The following USP51 variants were observed in gnomAD, a reference collection of about 807,000 sequenced individuals.
USP51 encodes the protein ubiquitin carboxyl-terminal hydrolase 51.
USP51 carries 5 observed loss-of-function variants against 17.6 expected under a neutral mutation model. That is an observed-to-expected ratio of 0.28 (90% confidence interval 0.15 to 0.60). The LOEUF is 0.60. Among genes scored for constraint, USP51 ranks in the 20% least tolerant of loss-of-function variants. The pLI is 0.88. For missense variants in USP51, 459 were observed against 559.5 expected (o/e 0.82, Z 1.81); for synonymous variants, 248 against 216.1 (o/e 1.15, Z -1.29).
At position 55,486,723 on chromosome X, in the gene USP51, T is replaced by C. The variant is rs2031323282; in HGVS notation, c.*81A>G. 3.6e-6 allele frequency: 4 copies of C among 1,120,390 alleles called. No individual in the cohort carries two copies. Among genetic ancestry groups the C allele is most frequent in the African/African-American group, 3.7e-5 (2 of 54,404 alleles). The allele number at this position is 1,120,390 out of a possible 1,213,427, so 92.3% of individuals were successfully genotyped here. ...TGTCACATAGGTGTTACTGTCATTG[T>C]CCATTCCAAGTAGGTCTGTGTGTCA... is the stretch of plus-strand genomic sequence containing the variant. On this transcript the variant is annotated 3_prime_UTR_variant, in exon 3 of 3. Transcript: ENST00000500968.
chrX:55,488,789 G>A lies in USP51; in HGVS notation c.151C>T (p.Arg51Cys). Residue 51 changes from arginine (R) to cysteine (C), a missense_variant, in exon 3 of 3, where the codon CGT (arginine) becomes TGT (cysteine). Physicochemically the swap from Arg to Cys is radical, Grantham distance 180. Transcript: ENST00000500968. ...TCCAGCTTCATCTCCTCGGCTTCAC[G>A]TCTCGAAGACGCCTTCGTAGCCCCC... ...AAGATKASSR[R>C]EAEEMKLEPL... 8.3e-7 allele frequency: 1 copy of A among 1,210,534 alleles called. No individual in the cohort carries two copies. Among genetic ancestry groups the A allele is most frequent in the South Asian group, 1.8e-5 (1 of 56,982 alleles).
rs1379009009 is a variant in USP51, at chrX:55,486,657, T to C, written c.*147A>G. ...TCATTTTTTTCTTCCGACAGACCCA[T>C]GGGCCATGCTAAAATAGGTTCTTTA... On this transcript the variant is annotated 3_prime_UTR_variant, in exon 3 of 3. Coordinates refer to ENST00000500968, the MANE Select transcript of USP51 (RefSeq NM_201286.4). 1 of 787,942 alleles carries C rather than the reference T, an allele frequency of 1.3e-6. No individual in the cohort carries two copies. The highest frequency in any genetic ancestry group is 1.8e-6 in the Non-Finnish European group (1 of 570,427). 64.9% of individuals were successfully genotyped at this position (787,942 alleles called of 1,213,427 possible).
In USP51 at chrX:55,488,704, C is replaced by T. The variant is rs2031370750; in HGVS notation, c.236G>A (p.Gly79Asp). The T allele has an allele frequency of 8.3e-7, 1 of 1,200,346 alleles. No individual in the cohort carries two copies. The highest frequency in any genetic ancestry group is 1.1e-6 in the Non-Finnish European group (1 of 894,899). ...GATTGAAGGGAGCACCTTCTCGTCGCCGCCGCTGCTGCTCCACGTCAAGTT... is the reference window on the plus strand; with the variant it reads ...GATTGAAGGGAGCACCTTCTCGTCGTCGCCGCTGCTGCTCCACGTCAAGTT... The part of the protein sequence containing the change: ...EENLTWSSSG[G>D]DEKVLPSIPL... Residue 79 changes from glycine to aspartate, a missense_variant, in exon 3 of 3, where the codon GGC (glycine) becomes GAC (aspartate). By Grantham distance (94) the Gly-to-Asp change is moderately conservative. Around this residue, in one of 2 missense-constraint regions of USP51, gnomAD observed 232 missense variants for 194.0 expected, o/e 1.20. Coordinates refer to ENST00000500968, the MANE Select transcript of USP51 (RefSeq NM_201286.4).
rs750947780 is a variant in USP51, at chrX:55,487,784, G to A, written c.1156C>T (p.Leu386=). The A allele has an allele frequency of 7.4e-6, 9 of 1,211,849 alleles. No individual in the cohort carries two copies. The highest frequency in any genetic ancestry group is 4.6e-4 in the Middle Eastern group (2 of 4,355). ...TCAGAGAGGAAGAAATCTTTCAGTA[G>A]AGGAATATGGGTAAGTGCCTGGACA... ...CIVQALTHIP[L]LKDFFLSDKH... Residue 386 remains leucine, a synonymous_variant, in exon 3 of 3, where the codon CTA becomes TTA. Transcript: ENST00000500968.
rs754958310 is a variant in USP51 at position 55,488,822 on chromosome X, C to A, written c.118G>T (p.Ala40Ser). ...GACGCCTTCGTAGCCCCCGCCGCCG[C>A]CTCCTCCATTTTCCCCGCCTTCTCA... ...AVEKAGKMEE[A>S]AAGATKASSR... The change falls in exon 3 of 3, where the codon GCG becomes TCG. Residue 40 changes from alanine (A) to serine (S), a missense_variant. This residue lies in a region of USP51 where 232 missense variants were observed against 194.0 expected (regional missense o/e 1.20). Coordinates refer to ENST00000500968, the MANE Select transcript of USP51 (RefSeq NM_201286.4). 13 of 1,209,866 alleles carry A rather than the reference C, an allele frequency of 1.1e-5. No homozygotes were observed. The highest frequency in any genetic ancestry group is 1.5e-5 in the Non-Finnish European group (13 of 895,199).
In USP51 at chrX:55,487,234, T is replaced by C. The variant is rs771343783; in HGVS notation, c.1706A>G (p.Lys569Arg). ...CTGGTAGCTTTGGCAACTATTGCAT[T>C]TGATTTTGGCACTGCTTCCTAGGTG... is the stretch of plus-strand genomic sequence containing the variant. Reference protein sequence around the residue: ...PEHLGSSAKIKCNSCQSYQES... With the variant: ...PEHLGSSAKIRCNSCQSYQES... The change falls in exon 3 of 3, where the codon AAA becomes AGA. Residue 569 changes from lysine to arginine, a missense_variant. Lys to Arg is a conservative substitution (Grantham distance 26). Around this residue, in one of 2 missense-constraint regions of USP51, gnomAD observed 227 missense variants for 365.5 expected, o/e 0.62. Transcript: ENST00000500968. 1 of 1,211,918 alleles carries C rather than the reference T, an allele frequency of 8.3e-7. No individual in the cohort carries two copies. Among genetic ancestry groups the C allele is most frequent in the East Asian group, 3.0e-5 (1 of 33,842 alleles).
intron 2 of USP51, 35 bp from the exon 3 acceptor site, chrX:55,489,023 G>A: frequency 1.8e-6 from 2 of 1,118,047 alleles, no homozygotes. Flanking sequence ...TTCTGTGAAT[G>A]ATCTGCCCAG....
At position 55,487,847 on chromosome X, in the gene USP51, G is replaced by A; in HGVS notation, c.1093C>T (p.Leu365=). 14 of 1,202,708 alleles carry A rather than the reference G, an allele frequency of 1.2e-5. No individual in the cohort carries two copies. The highest frequency in any genetic ancestry group is 1.6e-5 in the Non-Finnish European group (14 of 891,738). The change falls in exon 3 of 3, where the codon CTA becomes TTA. Residue 365 remains leucine (L), a synonymous_variant. Transcript: ENST00000500968. ...KSVYTVGLRG[L]INLGNTCFMN... ...AAACAAGTGTTCCCAAGATTGATTA[G>A]CCCTCTCAGGCCTACAGTATAGACT...
In USP51 at chrX:55,486,101, C is replaced by CT. The variant is rs1223273670; in HGVS notation, c.*702dup. On this transcript the variant is annotated 3_prime_UTR_variant, in exon 3 of 3. Transcript: ENST00000500968. ...TTTAATTTTTAACAGTATTTTCTTCCTTTTTTTGGTAAACTTTCATTTTTA... is the reference window on the plus strand; with the variant it reads ...TTTAATTTTTAACAGTATTTTCTTCCTTTTTTTTGGTAAACTTTCATTTTTA... 1 of 110,224 alleles carries CT rather than the reference C, an allele frequency of 9.1e-6. No homozygotes were observed. Among genetic ancestry groups the CT allele is most frequent in the Non-Finnish European group, 1.9e-5 (1 of 52,586 alleles). The allele number at this position is 110,224 out of a possible 1,213,427, so 9.1% of individuals were successfully genotyped here. A position where few individuals can be genotyped will look rare whatever the true frequency, so the allele number is the denominator to read the frequency against.
rs774430169 is a variant in USP51 at position 55,488,208 on chromosome X, G to T, written c.732C>A (p.Asn244Lys). The change falls in exon 3 of 3, where the codon AAC (asparagine) becomes AAA (lysine). Residue 244 changes from asparagine (N) to lysine (K), a missense_variant. Around this residue, in one of 2 missense-constraint regions of USP51, gnomAD observed 227 missense variants for 365.5 expected, o/e 0.62. Coordinates refer to ENST00000500968, the MANE Select transcript of USP51 (RefSeq NM_201286.4). ...CACAGGAGAGACAAGAGTGGAGTCT[G>T]TTCATATGGGTACTACATACGTGAC... The part of the protein sequence containing the change: ...CICHVCSTHM[N>K]RLHSCLSCVF... 1.7e-6 allele frequency: 2 copies of T among 1,210,131 alleles called. No individual in the cohort carries two copies. Among genetic ancestry groups the T allele is most frequent in the African/African-American group, 3.5e-5 (2 of 57,150 alleles).
Position 55,487,007 on chromosome X carries a change from T to C in USP51, c.1933A>G (p.Asn645Asp). The change falls in exon 3 of 3, where the codon AAT becomes GAT. Residue 645 changes from asparagine (N) to aspartate (D), a missense_variant. Asn to Asp is a conservative substitution (Grantham distance 23). Coordinates refer to ENST00000500968, the MANE Select transcript of USP51 (RefSeq NM_201286.4). ...GCAAACAAGGAATACTTATTCTCAT[T>C]GGGCACACAATCTGTTGGTGGCTGG... ...EGQPPTDCVP[N>D]ENKYSLFAVI... 8.3e-7 allele frequency: 1 copy of C among 1,212,029 alleles called. No homozygotes were observed. The highest frequency in any genetic ancestry group is 1.1e-6 in the Non-Finnish European group (1 of 895,594).
At position 55,487,845 on chromosome X, in the gene USP51, T is replaced by A. The variant is rs758859206; in HGVS notation, c.1095A>T (p.Leu365=). The A allele has an allele frequency of 4.2e-6, 5 of 1,203,542 alleles. No individual in the cohort carries two copies. The highest frequency in any genetic ancestry group is 5.6e-6 in the Non-Finnish European group (5 of 892,390). Residue 365 remains leucine, a synonymous_variant, in exon 3 of 3, where the codon CTA becomes CTT. Coordinates refer to ENST00000500968, the MANE Select transcript of USP51 (RefSeq NM_201286.4). ...TAAAACAAGTGTTCCCAAGATTGATTAGCCCTCTCAGGCCTACAGTATAGA... is the reference window on the plus strand; with the variant it reads ...TAAAACAAGTGTTCCCAAGATTGATAAGCCCTCTCAGGCCTACAGTATAGA... The part of the protein sequence containing the change: ...KSVYTVGLRG[L]INLGNTCFMN...
At position 55,486,647 on chromosome X, in the gene USP51, G is replaced by T; in HGVS notation, c.*157C>A. On this transcript the variant is annotated 3_prime_UTR_variant, in exon 3 of 3. Transcript: ENST00000500968. ...TGGTTAGTATTCATTTTTTTCTTCC[G>T]ACAGACCCATGGGCCATGCTAAAAT... 1 of 708,321 alleles carries T rather than the reference G, an allele frequency of 1.4e-6. No individual in the cohort carries two copies. The highest frequency in any genetic ancestry group is 2.0e-6 in the Non-Finnish European group (1 of 508,954). The allele number at this position is 708,321 out of a possible 1,213,427, so 58.4% of individuals were successfully genotyped here.
rs1229894133 is a variant in USP51 at position 55,488,603 on chromosome X, G to C, written c.337C>G (p.Arg113Gly). ...GAGAGCCCAGGCTGGCTGCGGGAGC[G>C]GGCCCGGGGCTGGGGCCGAGGGCGG... Reference protein sequence around the residue: ...KPRPRPQPRARSRSQPGLSAP... With the variant: ...KPRPRPQPRAGSRSQPGLSAP... The change falls in exon 3 of 3, where the codon CGC (arginine) becomes GGC (glycine). Residue 113 changes from arginine to glycine, a missense_variant. Physicochemically the swap from Arg to Gly is moderately radical, Grantham distance 125. This residue lies in a region of USP51 where 232 missense variants were observed against 194.0 expected (regional missense o/e 1.20). Coordinates refer to ENST00000500968, the MANE Select transcript of USP51 (RefSeq NM_201286.4). 3.6e-6 allele frequency: 4 copies of C among 1,107,114 alleles called. No homozygotes were observed. The highest frequency in any genetic ancestry group is 4.3e-5 in the South Asian group (2 of 46,053). 91.2% of individuals were successfully genotyped at this position (1,107,114 alleles called of 1,213,427 possible).
Position 55,487,008 on chromosome X carries a change from G to A in USP51, c.1932C>T (p.Pro644=), listed in dbSNP as rs766577275. 42 of 1,209,882 alleles carry A rather than the reference G, an allele frequency of 3.5e-5. No homozygotes were observed. The highest frequency in any genetic ancestry group is 1.1e-6 in the Non-Finnish European group (1 of 895,204). ...CAAACAAGGAATACTTATTCTCATTGGGCACACAATCTGTTGGTGGCTGGC... is the reference window on the plus strand; with the variant it reads ...CAAACAAGGAATACTTATTCTCATTAGGCACACAATCTGTTGGTGGCTGGC... The part of the protein sequence containing the change: ...KEGQPPTDCV[P]NENKYSLFAV... The change falls in exon 3 of 3, where the codon CCC becomes CCT. Residue 644 remains proline, a synonymous_variant. Coordinates refer to ENST00000500968, the MANE Select transcript of USP51 (RefSeq NM_201286.4).
In USP51 at chrX:55,487,287, G is replaced by A. The variant is rs145461643; in HGVS notation, c.1653C>T (p.Asp551=). 4.2e-4 allele frequency: 512 copies of A among 1,209,635 alleles called. No individual in the cohort carries two copies. Among genetic ancestry groups the A allele is most frequent in the Non-Finnish European group, 5.3e-4 (474 of 895,025 alleles). ...DHIPGIPSLT[D]CLQWFTRPEH... ...CTGGCCTTGTAAACCACTGTAGACA[G>A]TCTGTAAGTGAGGGGATTCCTGGTA... The change falls in exon 3 of 3, where the codon GAC becomes GAT. Residue 551 remains aspartate, a synonymous_variant. Coordinates refer to ENST00000500968, the MANE Select transcript of USP51 (RefSeq NM_201286.4).
In USP51 at chrX:55,485,544, G is replaced by A. The variant is rs931217080; in HGVS notation, c.*1260C>T. On this transcript the variant is annotated 3_prime_UTR_variant, in exon 3 of 3. Coordinates refer to ENST00000500968, the MANE Select transcript of USP51 (RefSeq NM_201286.4). Reference sequence around the variant, plus strand: ...ATATATATATATATACTCACACACCGCTGTCGTTATTCCTGTCTCCTCCAT... The same window carrying A: ...ATATATATATATATACTCACACACCACTGTCGTTATTCCTGTCTCCTCCAT... 2 of 106,599 alleles carry A rather than the reference G, an allele frequency of 1.9e-5. No homozygotes were observed. The highest frequency in any genetic ancestry group is 4.0e-4 in the South Asian group (1 of 2,495). 8.8% of individuals were successfully genotyped at this position (106,599 alleles called of 1,213,427 possible). A position where few individuals can be genotyped will look rare whatever the true frequency, so the allele number is the denominator to read the frequency against.
Position 55,486,607 on chromosome X carries a change from A to G in USP51, c.*197T>C. The G allele has an allele frequency of 2.3e-6, 1 of 441,651 alleles. No homozygotes were observed. The highest frequency in any genetic ancestry group is 3.6e-6 in the Non-Finnish European group (1 of 277,486). 36.4% of individuals were successfully genotyped at this position (441,651 alleles called of 1,213,427 possible). ...CTCTTCTCCCTCTCCCCATTTCTTA[A>G]GGTTGAATGGTCACTGGTTAGTATT... On this transcript the variant is annotated 3_prime_UTR_variant, in exon 3 of 3. Transcript: ENST00000500968.
rs2031296284 is a variant in USP51, at chrX:55,485,180, A to C, written c.*1624T>G. On this transcript the variant is annotated 3_prime_UTR_variant, in exon 3 of 3. Transcript: ENST00000500968. ...AATCAGGCCATGGGGCTCAAATACC[A>C]AAGCCAGAGCTTCACAGCTGTGATC... is the stretch of plus-strand genomic sequence containing the variant. 8.9e-6 allele frequency: 1 copy of C among 111,935 alleles called. No individual in the cohort carries two copies. The highest frequency in any genetic ancestry group is 1.9e-5 in the Non-Finnish European group (1 of 53,191). 9.2% of individuals were successfully genotyped at this position (111,935 alleles called of 1,213,427 possible).
Sources: gnomAD v4.1 joint callset for allele counts on GRCh38, gnomAD v4.1.1 for gene constraint, gnomAD v4.1.1 regional missense constraint, MANE v1.5 for transcripts, NCBI Gene and HGNC (gene_info 2026-07-23, HGNC 2026-07-21) for gene names.